The following TSNAX variants were observed in gnomAD, a reference collection of about 807,000 sequenced individuals.
The protein encoded by TSNAX is translin-associated protein X.
Under a neutral mutation model 33.0 loss-of-function variants are expected in TSNAX, and 12 were observed. The observed-to-expected ratio is 0.36, with a 90% CI of 0.23 to 0.59. The LOEUF is 0.59. TSNAX is among the 20% of genes least tolerant of loss of function. The probability of loss-of-function intolerance (pLI) is 0.74; values close to 1 mark genes in which losing one functional copy is unlikely to be tolerated. For synonymous variants in TSNAX, 110 were observed against 117.2 expected (o/e 0.94, Z 0.40); for missense variants, 267 against 341.3 (o/e 0.78, Z 1.72).
Position 231,565,969 on chromosome 1 carries a change from A to G in TSNAX, c.*1064A>G, listed in dbSNP as rs1458839691. The G allele has an allele frequency of 2.0e-5, 3 of 152,076 alleles. No individual in the cohort carries two copies. Among genetic ancestry groups the G allele is most frequent in the East Asian group, 1.9e-4 (1 of 5,186 alleles). 9.4% of individuals were successfully genotyped at this position (152,076 alleles called of 1,614,324 possible). A position where few individuals can be genotyped will look rare whatever the true frequency, so the allele number is the denominator to read the frequency against. On this transcript the variant is annotated 3_prime_UTR_variant, in exon 6 of 6. Coordinates refer to ENST00000366639, the MANE Select transcript of TSNAX (RefSeq NM_005999.3). ...GTAAAGTTGAGTTATATACTTGTAC[A>G]TACAATGGAAATGCTTTTAGTAGTG...
chr1:231,536,400 T>C (rs1391560280), intron 2 of TSNAX: 1 of 152,234 alleles, frequency 6.6e-6, no homozygotes, highest in Non-Finnish European at 1.5e-5. Context: ...TTAAATGTGA[T>C]ATAATTTGGT....
intron 5 of TSNAX, 119 bp downstream of exon 5, chr1:231,561,374 T>G (rs1398956834): frequency 1.2e-6 from 1 of 841,770 alleles, no homozygotes; most frequent in African/African-American, 1.8e-5. Context: ...TAAAGTATGG[T>G]TTTGTAGAGT....
In TSNAX at chr1:231,528,718, C is replaced by G. The variant is rs1260803974; in HGVS notation, c.-93C>G. The G allele has an allele frequency of 1.5e-5, 23 of 1,494,482 alleles. No individual in the cohort carries two copies. The highest frequency in any genetic ancestry group is 1.9e-5 in the Non-Finnish European group (20 of 1,076,356). The allele number at this position is 1,494,482 out of a possible 1,614,324, so 92.6% of individuals were successfully genotyped here. ...CGGCTGCAAAGCGTTTTTCTGCAGG[C>G]TGTTTTCCCAGGTTCCCTCGGCCTG... On this transcript the variant is annotated 5_prime_UTR_variant, in exon 1 of 6. Transcript: ENST00000366639.
In TSNAX at chr1:231,537,975, G is replaced by A. The variant is rs555351662; in HGVS notation, c.236+648G>A. On this transcript the variant is annotated intron_variant, in intron 3 of 5. Coordinates refer to ENST00000366639, the MANE Select transcript of TSNAX (RefSeq NM_005999.3). ...TAAAATCTGCATAACCTATTTTCTC[G>A]TTCATTTTTGAACTCATGGCAGTCT... Among the ~76,000 whole-genome samples, 17 of 152,098 alleles carry A rather than the reference G, an allele frequency of 1.1e-4. No individual in the cohort carries two copies. The South Asian group carries it at 2.9e-3, about 26-fold the overall frequency.
In TSNAX at chr1:231,561,213, A is replaced by G. The variant is rs769983684; in HGVS notation, c.453A>G (p.Gln151=). ...TTAGTATGGATGAAATTAATAAACAATTGATATTTACGACTGAAGACAATG... is the reference window on the plus strand; with the variant it reads ...TTAGTATGGATGAAATTAATAAACAGTTGATATTTACGACTGAAGACAATG... ...SLISMDEINK[Q]LIFTTEDNGK... The change falls in exon 5 of 6, where the codon CAA becomes CAG. Residue 151 remains glutamine (Q), a synonymous_variant. Coordinates refer to ENST00000366639, the MANE Select transcript of TSNAX (RefSeq NM_005999.3). 47 of 1,584,802 alleles carry G rather than the reference A, an allele frequency of 3.0e-5. No individual in the cohort carries two copies. Among genetic ancestry groups the G allele is most frequent in the Middle Eastern group, 1.7e-4 (1 of 5,952 alleles).
chr1:231,528,915 A>C lies in TSNAX; in HGVS notation c.16+89A>C. 4 of 1,556,316 alleles carry C rather than the reference A, an allele frequency of 2.6e-6. No homozygotes were observed. In the South Asian group the frequency reaches 4.5e-5, roughly 17 times the overall value. ...GCAGTTTTCCCCTTTTCACCCTTGA[A>C]GGATGCCTTCGTCCCTTGTAGACTC... On this transcript the variant is annotated intron_variant, in intron 1 of 5. Transcript: ENST00000366639.
At chr1:231,542,115 C>T (rs1162363476) in intron 3 of TSNAX, among the ~76,000 whole-genome samples, 1 of 152,178 alleles carries the variant, frequency 6.6e-6, no homozygotes, top group Non-Finnish European at 1.5e-5. Flanking sequence ...TCCATGCTGC[C>T]TGTAGTCCAG....
At chr1:231,557,741 G>A (rs1163006888) in intron 4 of TSNAX, among the ~76,000 whole-genome samples, 11 of 152,168 alleles carry the variant, frequency 7.2e-5, no homozygotes. Flanking sequence ...ACTGAATCTT[G>A]ATCCTGAACC....
intron 4 of TSNAX, among the ~76,000 whole-genome samples, chr1:231,547,243 A>T (rs571847770): frequency 1.3e-4 from 20 of 152,144 alleles, no homozygotes; most frequent in Non-Finnish European, 2.1e-4. Context: ...TTTGTAAATG[A>T]GGTGAGTGAT....
chr1:231,528,795 C>T lies in TSNAX; in HGVS notation c.-16C>T, dbSNP rs1658436292. 2.5e-6 allele frequency: 4 copies of T among 1,614,050 alleles called. No homozygotes were observed. The highest frequency in any genetic ancestry group is 1.7e-6 in the Non-Finnish European group (2 of 1,180,036). ...GTCCTTCAGTCTCCGCTCGTCTCACCGTAGGCTGTGACGACATGAGCAACA... is the reference window on the plus strand; with the variant it reads ...GTCCTTCAGTCTCCGCTCGTCTCACTGTAGGCTGTGACGACATGAGCAACA... On this transcript the variant is annotated 5_prime_UTR_variant, in exon 1 of 6. Transcript: ENST00000366639.
At chr1:231,539,450 A>G (rs1441948240) in intron 3 of TSNAX, among the ~76,000 whole-genome samples, 66 of 152,168 alleles carry the variant, frequency 4.3e-4, no homozygotes, top group Admixed American at 4.3e-3. Context: ...TCTTGTTGCT[A>G]AGAAAGTTTT....
At chr1:231,560,809 G>A (rs938408301) in intron 4 of TSNAX, among the ~76,000 whole-genome samples, 5 of 151,824 alleles carry the variant, frequency 3.3e-5, no homozygotes, top group Non-Finnish European at 7.4e-5. Context: ...ACAGGCGCCC[G>A]CCACCATGTC....
intron 5 of TSNAX, among the ~76,000 whole-genome samples, chr1:231,562,273 A>G (rs1661170696): frequency 1.3e-5 from 2 of 150,856 alleles, no homozygotes; most frequent in East Asian, 1.9e-4. Flanking sequence ...TAAAAACACC[A>G]TATATTAAGG....
rs147889819 is a variant in TSNAX at position 231,531,843 on chromosome 1, T to A, written c.121+2484T>A. On this transcript the variant is annotated intron_variant, in intron 2 of 5. Transcript: ENST00000366639. ...TAAGGGTATTTCAAGGTACAGAGCT[T>A]GATAAATTCAGGAAGTTTATACTTG... Among the ~76,000 whole-genome samples, 750 of 152,270 alleles carry A rather than the reference T, an allele frequency of 4.9e-3. 3 individuals are homozygous for A. The highest frequency in any genetic ancestry group is 8.8e-3 in the Non-Finnish European group (597 of 68,014).
At chr1:231,559,982 A>ATTTT (rs1478597848) in intron 4 of TSNAX, among the ~76,000 whole-genome samples, 5 of 144,958 alleles carry the variant, frequency 3.4e-5, no homozygotes, top group African/African-American at 8.0e-5. Context: ...TATTATTATT[A>ATTTT]TTATTTTTTT....
At chr1:231,549,994 TC>T (rs1053900331) in intron 4 of TSNAX, among the ~76,000 whole-genome samples, 1 of 152,200 alleles carries the variant, frequency 6.6e-6, no homozygotes, top group African/African-American at 2.4e-5. Flanking sequence ...GGCTATCTTT[TC>T]CCTGGGTCTT....
At chr1:231,560,534 C>A (rs1259352207) in intron 4 of TSNAX, among the ~76,000 whole-genome samples, 1 of 150,328 alleles carries the variant, frequency 6.7e-6, no homozygotes, top group East Asian at 2.0e-4. Flanking sequence ...CCTGCCTCAG[C>A]CTCCCGAGTA....
chr1:231,543,448 A>G (rs1445892592), intron 4 of TSNAX, among the ~76,000 whole-genome samples: 5 of 152,034 alleles, frequency 3.3e-5, no homozygotes, highest in African/African-American at 2.4e-5. Context: ...AAATGCTCCA[A>G]TGAGCATTTC....
intron 4 of TSNAX, among the ~76,000 whole-genome samples, chr1:231,548,365 G>GCTTTAGAACCTAGAGA (rs1660086440): frequency 6.6e-6 from 1 of 152,164 alleles, no homozygotes; most frequent in Admixed American, 6.5e-5. Flanking sequence ...AGTTCACACT[G>GCTTTAGAACCTAGAGA]CTTGCAAGAG....
Sources: allele counts gnomAD v4.1 joint callset (sites outside exome capture counted in the v4.1 genomes callset), GRCh38; gene constraint gnomAD v4.1.1; transcripts MANE v1.5; gene names NCBI Gene and HGNC (gene_info 2026-07-23, HGNC 2026-07-21).